The following RET variants were observed in gnomAD, a reference collection of about 807,000 sequenced individuals.
RET encodes ret proto-oncogene.
Under a neutral mutation model 118.3 loss-of-function variants are expected in RET, and 19 were observed. The ratio of observed to expected loss-of-function variants is 0.16; its 90% confidence interval spans 0.11 to 0.24. RET has a LOEUF of 0.24. RET is among the 10% of genes least tolerant of loss of function. The probability of loss-of-function intolerance (pLI) is 1.00; values close to 1 mark genes in which losing one functional copy is unlikely to be tolerated. For synonymous variants in RET, 597 were observed against 644.1 expected, an observed-to-expected ratio of 0.93 and a Z score of 1.11; for missense variants, 1,219 against 1,502.1, an observed-to-expected ratio of 0.81 and a Z score of 3.12.
chr10:43,104,895 C>G, intron 3 of RET, 57 bp from the exon 4 acceptor site: 1 of 1,535,752 alleles, frequency 6.5e-7, no homozygotes, highest in Admixed American at 2.0e-5. Context: ...CCGAGGAAAG[C>G]GGCTGGCCCG....
Position 43,106,698 on chromosome 10 carries a change from C to T in RET, c.1063+127C>T. 2.1e-6 allele frequency: 2 copies of T among 963,146 alleles called. No homozygotes were observed. Among genetic ancestry groups the T allele is most frequent in the Non-Finnish European group, 3.2e-6 (2 of 633,616 alleles). The allele number at this position is 963,146 out of a possible 1,614,324, so 59.7% of individuals were successfully genotyped here. On this transcript the variant is annotated intron_variant, in intron 5 of 19. Coordinates refer to ENST00000355710, the MANE Select transcript of RET (RefSeq NM_020975.6). The surrounding 1 kb of genome is among the most constrained non-coding windows in gnomAD (Gnocchi z 5.1). Reference sequence around the variant, plus strand: ...CCCTCTGTGGCCCAAGCCACTTCCCCTCCACCCTCTGCCCAGCACTTCCTG... The same window carrying T: ...CCCTCTGTGGCCCAAGCCACTTCCCTTCCACCCTCTGCCCAGCACTTCCTG...
At chr10:43,113,938 T>C (rs1396649486) in intron 10 of RET, among the ~76,000 whole-genome samples, 2 of 152,188 alleles carry the variant, frequency 1.3e-5, no homozygotes, top group Non-Finnish European at 2.9e-5. Context: ...GACAAGTCAC[T>C]GTCCCTGTGA....
intron 1 of RET, among the ~76,000 whole-genome samples, chr10:43,096,463 T>TA (rs1284677117): frequency 6.6e-6 from 1 of 151,976 alleles, no homozygotes; most frequent in Non-Finnish European, 1.5e-5. Context: ...TTGCTGTTCT[T>TA]ATATGTGAAA....
In RET at chr10:43,106,521, C is replaced by T. The variant is rs377767433; in HGVS notation, c.1013C>T (p.Thr338Ile). Reference protein sequence around the residue: ...TFRVEHWPNETSVQANGSFVR... With the variant: ...TFRVEHWPNEISVQANGSFVR... ...CGGGTGGAACACTGGCCCAACGAGACCTCGGTCCAGGCCAACGGCAGCTTC... is the reference window on the plus strand; with the variant it reads ...CGGGTGGAACACTGGCCCAACGAGATCTCGGTCCAGGCCAACGGCAGCTTC... The change falls in exon 5 of 20, where the codon ACC becomes ATC. Residue 338 changes from threonine to isoleucine, a missense_variant. This residue lies in a region of RET where 850 missense variants were observed against 969.6 expected (regional missense o/e 0.88). Coordinates refer to ENST00000355710, the MANE Select transcript of RET (RefSeq NM_020975.6). The surrounding 1 kb of genome is among the most constrained non-coding windows in gnomAD (Gnocchi z 5.1). 31 of 1,613,700 alleles carry T rather than the reference C, an allele frequency of 1.9e-5. No homozygotes were observed. The highest frequency in any genetic ancestry group is 3.3e-4 in the Middle Eastern group (2 of 6,078).
intron 7 of RET, 32 bp downstream of exon 7, chr10:43,111,497 G>T (rs1290197416): frequency 1.9e-6 from 3 of 1,598,182 alleles, no homozygotes; most frequent in Middle Eastern, 1.7e-4. Context: ...GGAGGGTCGG[G>T]GTCCTGGGGG....
Position 43,128,364 on chromosome 10 carries a change from C to A in RET, c.*95C>A. 2 of 1,459,418 alleles carry A rather than the reference C, an allele frequency of 1.4e-6. No individual in the cohort carries two copies. Among genetic ancestry groups the A allele is most frequent in the Non-Finnish European group, 1.9e-6 (2 of 1,045,244 alleles). The allele number at this position is 1,459,418 out of a possible 1,614,324, so 90.4% of individuals were successfully genotyped here. On this transcript the variant is annotated 3_prime_UTR_variant, in exon 20 of 20. Coordinates refer to ENST00000355710, the MANE Select transcript of RET (RefSeq NM_020975.6). ...CTTTCTTTGTGAACGTCACATTGGCCGAGCCGTGTTCAGTTCCCAGGTGGC... is the reference window on the plus strand; with the variant it reads ...CTTTCTTTGTGAACGTCACATTGGCAGAGCCGTGTTCAGTTCCCAGGTGGC...
intron 17 of RET, 119 bp from the exon 18 acceptor site, chr10:43,124,764 G>T: frequency 1.0e-6 from 1 of 972,638 alleles, no homozygotes. Context: ...TAGCTTTGGA[G>T]TTGGAGACAG....
chr10:43,092,574 C>T (rs1837433276), intron 1 of RET, among the ~76,000 whole-genome samples: 1 of 152,020 alleles, frequency 6.6e-6, no homozygotes, highest in Non-Finnish European at 1.5e-5. Context: ...GTGTTTTTTC[C>T]CTAAATGCAA....
chr10:43,120,010 C>T (rs2132956187), intron 14 of RET, 71 bp from the exon 15 acceptor site: 2 of 1,599,050 alleles, frequency 1.3e-6, no homozygotes, highest in Non-Finnish European at 1.7e-6. Flanking sequence ...CTCTGCTGGT[C>T]ACACCAGGCT....
chr10:43,080,786 C>T (rs1366451046), intron 1 of RET, among the ~76,000 whole-genome samples: 4 of 152,254 alleles, frequency 2.6e-5, no homozygotes, highest in African/African-American at 9.6e-5. Context: ...GAGCACCAGG[C>T]ATGGCTGTGC....
intron 6 of RET, 41 bp from the exon 7 acceptor site, chr10:43,111,166 G>A: frequency 6.2e-7 from 1 of 1,611,140 alleles, no homozygotes; most frequent in Non-Finnish European, 8.5e-7. Context: ...TTACAGGCCG[G>A]TCCAGCTGCC....
chr10:43,106,719 TC>T lies in RET; in HGVS notation c.1063+150del, dbSNP rs1291144321. ...TCCCCTCCACCCTCTGCCCAGCACT[TC>T]CTGTGTCTCTGCCAGGCCTGCCCTC... On this transcript the variant is annotated intron_variant, in intron 5 of 19. Coordinates refer to ENST00000355710, the MANE Select transcript of RET (RefSeq NM_020975.6). This position sits in a 1 kb window ranked among gnomAD's most constrained non-coding sequence, Gnocchi z 5.1. 5 of 825,980 alleles carry T rather than the reference TC, an allele frequency of 6.1e-6. No homozygotes were observed. The Admixed American group carries it at 1.1e-4, about 19-fold the overall frequency. 51.2% of individuals were successfully genotyped at this position (825,980 alleles called of 1,614,324 possible).
intron 15 of RET, among the ~76,000 whole-genome samples, chr10:43,121,423 T>G (rs189586417): frequency 1.4e-3 from 207 of 152,246 alleles, no homozygotes; most frequent in Middle Eastern, 3.4e-3. Context: ...TGATGAGGGA[T>G]GTAGGGGGCT....
At chr10:43,099,008 A>T (rs1837578616) in intron 1 of RET, among the ~76,000 whole-genome samples, 1 of 152,098 alleles carries the variant, frequency 6.6e-6, no homozygotes, top group African/African-American at 2.4e-5. Context: ...TTCCATTTTC[A>T]CCGACAATGT....
intron 13 of RET, 79 bp from the exon 14 acceptor site, chr10:43,119,452 T>C (rs1302988372): frequency 7.8e-6 from 10 of 1,276,260 alleles, no homozygotes; most frequent in Admixed American, 2.0e-5. Flanking sequence ...CTGGGGACCC[T>C]GCGGCCTCCC....
In RET at chr10:43,128,481, G is replaced by C; in HGVS notation, c.*212G>C. 1.6e-6 allele frequency: 1 copy of C among 631,270 alleles called. No individual in the cohort carries two copies. The highest frequency in any genetic ancestry group is 1.8e-5 in the South Asian group (1 of 55,276). The allele number at this position is 631,270 out of a possible 1,614,324, so 39.1% of individuals were successfully genotyped here. On this transcript the variant is annotated 3_prime_UTR_variant, in exon 20 of 20. Transcript: ENST00000355710. Reference sequence around the variant, plus strand: ...CCTCCTAGCAGACATGCCACACCGGGTAAGAGCTCTGAGTCTTAGTGGTTA... The same window carrying C: ...CCTCCTAGCAGACATGCCACACCGGCTAAGAGCTCTGAGTCTTAGTGGTTA...
At chr10:43,116,787 G>T in intron 12 of RET, 56 bp downstream of exon 12, 6 of 968,774 alleles carry the variant, frequency 6.2e-6, no homozygotes, top group Admixed American at 3.7e-5. Context: ...GCGGGGGGCG[G>T]GTGAGGCCCC....
chr10:43,119,836 TC>T, intron 14 of RET, 91 bp downstream of exon 14: 1 of 1,394,120 alleles, frequency 7.2e-7, no homozygotes. Context: ...GGCCTGCCAC[TC>T]CCCCACCATG....
rs1554819950 is a variant in RET, at chr10:43,123,684, G to A, written c.2815G>A (p.Val939Ile). 1 of 1,614,034 alleles carries A rather than the reference G, an allele frequency of 6.2e-7. No individual in the cohort carries two copies. Among genetic ancestry groups the A allele is most frequent in the African/African-American group, 1.3e-5 (1 of 74,938 alleles). ...CACTCTCTGCAGATGGTCTTTTGGT[G>A]TCCTGCTGTGGGAGATCGTGACCCT... ...TTQSDVWSFG[V>I]LLWEIVTLGG... Residue 939 changes from valine to isoleucine, a missense_variant, in exon 17 of 20, where the codon GTC becomes ATC. Physicochemically the swap from Val to Ile is conservative, Grantham distance 29 (BLOSUM62 3). Around this residue, in one of 5 missense-constraint regions of RET, gnomAD observed 73 missense variants for 156.5 expected, o/e 0.47. Transcript: ENST00000355710.
Sources: gnomAD v4.1 joint callset for allele counts (sites outside exome capture counted in the v4.1 genomes callset) on GRCh38, gnomAD v4.1.1 for gene constraint, gnomAD v4.1.1 regional missense constraint, Gnocchi (gnomAD v3.1) non-coding constraint, MANE v1.5 for transcripts, NCBI Gene and HGNC (gene_info 2026-07-23, HGNC 2026-07-21) for gene names.